SUCLG2: variants seen among roughly 807,000 people sequenced by gnomAD.
SUCLG2 encodes succinate-CoA ligase GDP-forming subunit beta.
SUCLG2 carries 42 observed loss-of-function variants against 47.9 expected under a neutral mutation model. The ratio of observed to expected loss-of-function variants is 0.88; its 90% CI spans 0.69 to 1.14. The LOEUF (loss-of-function observed/expected upper bound fraction) is 1.14. Ranked by LOEUF, SUCLG2 falls within the 50% of genes most tolerant of loss-of-function variation. SUCLG2 has a pLI of 0.00. For missense variants in SUCLG2, 571 were observed against 525.9 expected (o/e 1.09, Z -0.84); for synonymous variants, 195 against 197.3 (o/e 0.99, Z 0.10).
intron 9 of SUCLG2, among the ~76,000 whole-genome samples, chr3:67,443,924 T>C (rs1559528588): frequency 5.8e-5 from 5 of 86,376 alleles, no homozygotes; most frequent in African/African-American, 1.6e-4. Context: ...GTGAGGAGCG[T>C]CTCCGCCCGG....
chr3:67,437,547 T>G (rs1194863246), intron 9 of SUCLG2, among the ~76,000 whole-genome samples: 1 of 152,192 alleles, frequency 6.6e-6, no homozygotes, highest in Non-Finnish European at 1.5e-5. Context: ...AATAAATAAA[T>G]TATTACAGAT....
intron 2 of SUCLG2, among the ~76,000 whole-genome samples, chr3:67,593,097 C>G (rs979442388): frequency 1.3e-5 from 2 of 152,184 alleles, no homozygotes; most frequent in Non-Finnish European, 2.9e-5. Context: ...TCAACCTCCA[C>G]ATTTATTCCA....
At chr3:67,512,906 C>T (rs1385657749) in intron 6 of SUCLG2, among the ~76,000 whole-genome samples, 2 of 150,530 alleles carry the variant, frequency 1.3e-5, no homozygotes, top group Non-Finnish European at 2.9e-5. Context: ...TTTTCACACA[C>T]ACACACCCCC....
At chr3:67,543,864 A>G (rs1706787779) in intron 2 of SUCLG2, among the ~76,000 whole-genome samples, 1 of 152,206 alleles carries the variant, frequency 6.6e-6, no homozygotes, top group South Asian at 2.1e-4. Context: ...TTTGTCTTGA[A>G]TATTTAAATA....
In SUCLG2 at chr3:67,598,004, G is replaced by A. The variant is rs549521256; in HGVS notation, c.226+11451C>T. 2.9e-3 allele frequency among the ~76,000 whole-genome samples: 435 copies of A among 151,478 alleles called. 2 individuals carry two copies. Among genetic ancestry groups the A allele is most frequent in the Middle Eastern group, 6.8e-3 (2 of 294 alleles). ...TTCCTTTTCCTTTTTTTTTGGAGAC[G>A]GAGTCTTGTTCTGTTGCCCAGGGTG... is the stretch of plus-strand genomic sequence containing the variant. On this transcript the variant is annotated intron_variant, in intron 2 of 10. Coordinates refer to ENST00000307227, the MANE Select transcript of SUCLG2 (RefSeq NM_003848.4).
chr3:67,383,668 G>A (rs2106774095), intron 10 of SUCLG2, among the ~76,000 whole-genome samples: 1 of 152,284 alleles, frequency 6.6e-6, no homozygotes, highest in East Asian at 1.9e-4. Context: ...TATGTGCTAT[G>A]ATCATGCAAG....
chr3:67,475,255 C>T (rs1248076050), intron 9 of SUCLG2, among the ~76,000 whole-genome samples: 1 of 152,120 alleles, frequency 6.6e-6, no homozygotes, highest in East Asian at 1.9e-4. Flanking sequence ...TTAAACCCTA[C>T]CTAACTGAAA....
At chr3:67,415,424 C>G (rs1703018752) in intron 9 of SUCLG2, among the ~76,000 whole-genome samples, 2 of 152,148 alleles carry the variant, frequency 1.3e-5, no homozygotes, top group African/African-American at 4.8e-5. Flanking sequence ...AGTATTTTAT[C>G]TATCTTAACT....
At chr3:67,437,559 T>A (rs1213761801) in intron 9 of SUCLG2, among the ~76,000 whole-genome samples, 1 of 152,174 alleles carries the variant, frequency 6.6e-6, no homozygotes, top group Non-Finnish European at 1.5e-5. Context: ...ATTACAGATG[T>A]TCTCATCCAT....
intron 6 of SUCLG2, among the ~76,000 whole-genome samples, chr3:67,517,745 T>C (rs574983895): frequency 2.0e-4 from 31 of 152,340 alleles, no homozygotes; most frequent in African/African-American, 5.1e-4. Context: ...CCATTAGCTA[T>C]GAAAGAATAG....
At chr3:67,497,846 T>C (rs1705387636) in intron 8 of SUCLG2, among the ~76,000 whole-genome samples, 1 of 152,140 alleles carries the variant, frequency 6.6e-6, no homozygotes, top group African/African-American at 2.4e-5. Flanking sequence ...GTGGGGGTTG[T>C]TAGTAGTATC....
At chr3:67,428,930 T>G (rs953686997) in intron 9 of SUCLG2, among the ~76,000 whole-genome samples, 6 of 152,070 alleles carry the variant, frequency 3.9e-5, no homozygotes, top group Non-Finnish European at 7.4e-5. Context: ...GAACAAAACC[T>G]CCAAGAAATA....
At chr3:67,431,827 T>C (rs1323400918) in intron 9 of SUCLG2, among the ~76,000 whole-genome samples, 1 of 152,176 alleles carries the variant, frequency 6.6e-6, no homozygotes, top group Non-Finnish European at 1.5e-5. Context: ...ACATGGCACA[T>C]GTATACATGT....
chr3:67,607,525 A>T (rs1344446589), intron 2 of SUCLG2, among the ~76,000 whole-genome samples: 1 of 152,114 alleles, frequency 6.6e-6, no homozygotes, highest in African/African-American at 2.4e-5. Flanking sequence ...CCAGACCGAC[A>T]CCTACAAAGT....
intron 5 of SUCLG2, among the ~76,000 whole-genome samples, chr3:67,519,189 G>A (rs1485342985): frequency 6.6e-6 from 1 of 152,086 alleles, no homozygotes; most frequent in Admixed American, 6.5e-5. Flanking sequence ...GTACATGTTA[G>A]GTCAACTGGC....
intron 2 of SUCLG2, among the ~76,000 whole-genome samples, chr3:67,596,413 GA>G (rs893389361): frequency 3.3e-5 from 5 of 152,122 alleles, no homozygotes; most frequent in African/African-American, 9.7e-5. Flanking sequence ...TTCTGGGTCA[GA>G]AAAAAACTCT....
At chr3:67,422,373 G>A (rs1233086612) in intron 9 of SUCLG2, among the ~76,000 whole-genome samples, 2 of 149,916 alleles carry the variant, frequency 1.3e-5, no homozygotes, top group African/African-American at 2.5e-5. Flanking sequence ...TACTCTGGAG[G>A]CTGAGGCAGG....
chr3:67,405,595 G>C (rs1702785458), intron 9 of SUCLG2, among the ~76,000 whole-genome samples: 1 of 152,146 alleles, frequency 6.6e-6, no homozygotes, highest in South Asian at 2.1e-4. Context: ...ATGGCAAGTG[G>C]TAACCTACAG....
intron 2 of SUCLG2, among the ~76,000 whole-genome samples, chr3:67,576,603 G>A (rs1299495009): frequency 1.3e-5 from 2 of 152,154 alleles, no homozygotes; most frequent in Non-Finnish European, 2.9e-5. Flanking sequence ...AACACCCTCC[G>A]CTTGAGACAA....
Sources: gnomAD v4.1 joint callset for allele counts (sites outside exome capture counted in the v4.1 genomes callset) on GRCh38, gnomAD v4.1.1 for gene constraint, MANE v1.5 for transcripts, NCBI Gene and HGNC (gene_info 2026-07-23, HGNC 2026-07-21) for gene names.